The following CHCHD3 variants were observed in gnomAD, a reference collection of about 807,000 sequenced individuals.
CHCHD3 encodes coiled-coil-helix-coiled-coil-helix domain containing 3.
In CHCHD3, 20 loss-of-function variants were observed where a neutral mutation model predicts 38.2. That is an observed-to-expected ratio of 0.52 (90% CI 0.37 to 0.76). CHCHD3 has a LOEUF of 0.76. CHCHD3 is among the 30% of genes least tolerant of loss of function. CHCHD3 has a pLI of 0.00. For missense variants in CHCHD3, 245 were observed against 279.2 expected, an observed-to-expected ratio of 0.88 and a Z score of 0.87; for synonymous variants, 82 against 100.0, an observed-to-expected ratio of 0.82 and a Z score of 1.07.
At chr7:132,868,400 C>A (rs1030116352) in intron 5 of CHCHD3, among the ~76,000 whole-genome samples, 5 of 151,998 alleles carry the variant, frequency 3.3e-5, no homozygotes, top group African/African-American at 1.2e-4. Flanking sequence ...ATTAGGCATT[C>A]TCTAAACTCA....
intron 4 of CHCHD3, among the ~76,000 whole-genome samples, chr7:132,974,922 A>C (rs1562926570): frequency 6.6e-6 from 1 of 152,170 alleles, no homozygotes; most frequent in African/African-American, 2.4e-5. Context: ...ACAATCCTTC[A>C]GGTGTGAAAC....
chr7:132,833,439 T>C (rs2117087605), intron 6 of CHCHD3, among the ~76,000 whole-genome samples: 1 of 152,320 alleles, frequency 6.6e-6, no homozygotes, highest in African/African-American at 2.4e-5. Context: ...GTAAGTAATA[T>C]TTTTAATAAC....
At chr7:132,960,727 T>C (rs962868394) in intron 4 of CHCHD3, among the ~76,000 whole-genome samples, 5 of 152,082 alleles carry the variant, frequency 3.3e-5, no homozygotes, top group African/African-American at 1.2e-4. Flanking sequence ...CCTGTAATCC[T>C]AGCACTTTGG....
chr7:132,904,610 T>G (rs915616455), intron 4 of CHCHD3, among the ~76,000 whole-genome samples: 5 of 152,138 alleles, frequency 3.3e-5, no homozygotes, highest in Admixed American at 2.6e-4. Flanking sequence ...GGAGAGGATG[T>G]GGAGAAATAG....
intron 6 of CHCHD3, among the ~76,000 whole-genome samples, chr7:132,823,899 T>G (rs906872232): frequency 1.3e-5 from 2 of 152,210 alleles, no homozygotes; most frequent in Non-Finnish European, 2.9e-5. Context: ...TCAATTGGTA[T>G]GAAAAGATGA....
intron 3 of CHCHD3, among the ~76,000 whole-genome samples, chr7:133,016,649 A>G (rs529231227): frequency 6.6e-6 from 1 of 152,322 alleles, no homozygotes; most frequent in South Asian, 2.1e-4. Flanking sequence ...TTGATTTACA[A>G]CTGTGTTGCC....
At chr7:133,063,664 A>T (rs1814585915) in intron 2 of CHCHD3, among the ~76,000 whole-genome samples, 1 of 152,212 alleles carries the variant, frequency 6.6e-6, no homozygotes, top group South Asian at 2.1e-4. Flanking sequence ...ATATAAAAAT[A>T]TCAATAAGAA....
In CHCHD3 at chr7:132,866,970, G is replaced by A. The variant is rs117948319; in HGVS notation, c.453+18692C>T. On this transcript the variant is annotated intron_variant, in intron 5 of 7. Transcript: ENST00000262570. ...GTCCCTGCTCACGTAGCATCTAATC[G>A]GAGGCCTCGCTATCCAAAACAGCAT... Among the ~76,000 whole-genome samples the A allele has an allele frequency of 4.0e-3, 613 of 152,192 alleles. 4 individuals carry two copies. The highest frequency in any genetic ancestry group is 6.4e-3 in the Non-Finnish European group (438 of 68,008).
At chr7:132,934,350 G>A (rs936191213) in intron 4 of CHCHD3, among the ~76,000 whole-genome samples, 4 of 152,094 alleles carry the variant, frequency 2.6e-5, no homozygotes, top group South Asian at 2.1e-4. Context: ...GTGGTCCTGG[G>A]CTCACACATT....
In CHCHD3 at chr7:132,845,401, T is replaced by C. The variant is rs148133339; in HGVS notation, c.454-6932A>G. Among the ~76,000 whole-genome samples, 12 of 152,352 alleles carry C rather than the reference T, an allele frequency of 7.9e-5. No homozygotes were observed. The East Asian group carries it at 1.9e-3, about 24-fold the overall frequency. On this transcript the variant is annotated intron_variant, in intron 5 of 7. Transcript: ENST00000262570. ...AAATCTGTAAAACAAAAGCCTATTC[T>C]TCCATTAACCAGACATTGGTGAATG...
chr7:132,971,784 T>C lies in CHCHD3; in HGVS notation c.369+3385A>G, dbSNP rs142285675. On this transcript the variant is annotated intron_variant, in intron 4 of 7. Coordinates refer to ENST00000262570, the MANE Select transcript of CHCHD3 (RefSeq NM_017812.4). ...TTTCCTGCAGACTGCAACATTTGAG[T>C]TCTAAATAAAGAGGAACGAAGCAAT... Among the ~76,000 whole-genome samples, 69 of 152,278 alleles carry C rather than the reference T, an allele frequency of 4.5e-4. 1 individual carries two copies. In the East Asian group the frequency reaches 9.8e-3, roughly 22 times the overall value.
At chr7:132,985,638 A>G in intron 3 of CHCHD3, among the ~76,000 whole-genome samples, 2 of 62,732 alleles carry the variant, frequency 3.2e-5, no homozygotes, top group African/African-American at 6.1e-5. Flanking sequence ...GGAAGAGAGG[A>G]GCCCCTCTGC....
chr7:132,898,204 C>T (rs1809556487), intron 4 of CHCHD3, among the ~76,000 whole-genome samples: 2 of 152,168 alleles, frequency 1.3e-5, no homozygotes. Flanking sequence ...AACAAAGCTT[C>T]CACAGTGTGG....
intron 5 of CHCHD3, among the ~76,000 whole-genome samples, chr7:132,863,199 A>T (rs955062313): frequency 6.6e-6 from 1 of 152,174 alleles, no homozygotes; most frequent in Middle Eastern, 3.2e-3. Flanking sequence ...GTATTTCTTA[A>T]ATAGTAAGAC....
chr7:132,801,845 T>C (rs753009439), intron 6 of CHCHD3, among the ~76,000 whole-genome samples: 14 of 152,220 alleles, frequency 9.2e-5, no homozygotes, highest in Non-Finnish European at 1.8e-4. Flanking sequence ...TAATCCACTG[T>C]TGACTTTGGA....
intron 4 of CHCHD3, among the ~76,000 whole-genome samples, chr7:132,918,260 G>A (rs534952192): frequency 6.6e-6 from 1 of 152,158 alleles, no homozygotes; most frequent in African/African-American, 2.4e-5. Flanking sequence ...CTCAGATCTA[G>A]CATTTATTTG....
chr7:132,925,968 C>T (rs1810367906), intron 4 of CHCHD3, among the ~76,000 whole-genome samples: 1 of 152,124 alleles, frequency 6.6e-6, no homozygotes, highest in African/African-American at 2.4e-5. Flanking sequence ...AGGTGAAGTC[C>T]AAGCTGCACT....
intron 5 of CHCHD3, among the ~76,000 whole-genome samples, chr7:132,877,057 A>G (rs1808932033): frequency 6.6e-6 from 1 of 152,124 alleles, no homozygotes; most frequent in Non-Finnish European, 1.5e-5. Context: ...TAGAGCCCCA[A>G]ATTAAGTGCT....
At chr7:132,895,864 G>C (rs536264213) in intron 4 of CHCHD3, among the ~76,000 whole-genome samples, 1 of 152,296 alleles carries the variant, frequency 6.6e-6, no homozygotes, top group South Asian at 2.1e-4. Flanking sequence ...TACTACAAGA[G>C]GATTGTTGGT....
Sources: gnomAD v4.1 joint callset for allele counts (sites outside exome capture counted in the v4.1 genomes callset) on GRCh38, gnomAD v4.1.1 for gene constraint, MANE v1.5 for transcripts, NCBI Gene and HGNC (gene_info 2026-07-23, HGNC 2026-07-21) for gene names.